DCTN3: variants seen among roughly 807,000 people sequenced by gnomAD.
DCTN3 encodes dynactin 3 (p22).
A neutral mutation model predicts 28.4 loss-of-function variants in DCTN3; 25 were observed. That is an observed-to-expected ratio of 0.88 (90% CI 0.64 to 1.23). The LOEUF (loss-of-function observed/expected upper bound fraction) is 1.23. DCTN3 is among the 50% of genes most tolerant of loss of function. The pLI is 0.00. For missense variants in DCTN3, 229 were observed against 232.0 expected, an observed-to-expected ratio of 0.99 and a Z score of 0.08; for synonymous variants, 81 against 91.4, an observed-to-expected ratio of 0.89 and a Z score of 0.65.
At position 34,613,953 on chromosome 9, in the gene DCTN3, G is replaced by A. The variant is rs1346321875; in HGVS notation, c.472-82C>T. 6 of 1,611,926 alleles carry A rather than the reference G, an allele frequency of 3.7e-6. No individual in the cohort carries two copies. The African/African-American group carries it at 5.3e-5, about 14-fold the overall frequency. ...GGGAACAGGCAAACATAGGTGGGTA[G>A]GATAGGATGAGAGAGAGCTAGAGGT... On this transcript the variant is annotated intron_variant, in intron 6 of 6. Transcript: ENST00000259632.
At chr9:34,615,552 A>C (rs1484371159) in intron 4 of DCTN3, 1 of 150,004 alleles carries the variant, frequency 6.7e-6, no homozygotes, top group African/African-American at 2.6e-5. Context: ...TGAGGTCCTA[A>C]AACTGGGCTC....
chr9:34,614,002 G>A, intron 6 of DCTN3, 40 bp downstream of exon 6: 1 of 1,605,346 alleles, frequency 6.2e-7, no homozygotes, highest in Non-Finnish European at 8.5e-7. Context: ...AGGGCTTAGG[G>A]ACAGCACCCA....
rs746473932 is a variant in DCTN3 at position 34,614,084 on chromosome 9, GA to G, written c.428del (p.Ile143ThrfsTer33). On this transcript the variant is annotated frameshift_variant, in exon 6 of 7. Transcript: ENST00000259632. LOFTEE classifies it high-confidence loss of function. Reference sequence around the variant, plus strand: ...CCAGGAGAGCCTTGGACTCCTCAGTGATTTCCACACACTGGTCCTGTAGGGC... The same window carrying G: ...CCAGGAGAGCCTTGGACTCCTCAGTGTTTCCACACACTGGTCCTGTAGGGC... ...HIQQQDQCVEITEESKALLEE... is the reference protein window; with the variant it reads ...HIQQQDQCVEXTEESKALLEE... 1.1e-5 allele frequency: 17 copies of G among 1,613,772 alleles called. No individual in the cohort carries two copies. The highest frequency in any genetic ancestry group is 1.4e-5 in the Non-Finnish European group (16 of 1,179,816).
chr9:34,617,886 T>C lies in DCTN3; in HGVS notation c.267A>G (p.Ala89=), dbSNP rs1461662024. The C allele has an allele frequency of 6.2e-7, 1 of 1,613,808 alleles. No individual in the cohort carries two copies. Among genetic ancestry groups the C allele is most frequent in the Admixed American group, 1.7e-5 (1 of 60,012 alleles). ...PDASKLQFIL[A]EEQFILSQVA... ...TGTACACATGTAGTCCAGCATTACC[T>C]GCTAGGATGAATTGCAGCTTAGAGG... Residue 89 remains alanine, a splice_region_variant and synonymous_variant, in exon 3 of 7, where the codon GCA becomes GCG. Coordinates refer to ENST00000259632, the MANE Select transcript of DCTN3 (RefSeq NM_007234.5).
Position 34,616,080 on chromosome 9 carries a change from A to G in DCTN3, c.302T>C (p.Leu101Pro). ...EQFILSQVAL[L>P]EQVNALVPML... ...GGGCACCAAGGCATTCACCTGCTCC[A>G]GGAGTGCAACCTGGGAAAGGATAAA... Residue 101 changes from leucine (L) to proline (P), a missense_variant, in exon 4 of 7, where the codon CTG becomes CCG. Transcript: ENST00000259632. The surrounding 1 kb of genome is among the most constrained non-coding windows in gnomAD (Gnocchi z 4.7). 6.2e-7 allele frequency: 1 copy of G among 1,614,122 alleles called. No individual in the cohort carries two copies. The highest frequency in any genetic ancestry group is 8.5e-7 in the Non-Finnish European group (1 of 1,179,974).
At position 34,613,917 on chromosome 9, in the gene DCTN3, C is replaced by T. The variant is rs181356165; in HGVS notation, c.472-46G>A. On this transcript the variant is annotated intron_variant, in intron 6 of 6. Coordinates refer to ENST00000259632, the MANE Select transcript of DCTN3 (RefSeq NM_007234.5). ...GAATAGGAATCTGAGTGAGGAAGTT[C>T]ATGGAAAGTGGGGAACAGGCAAACA... 182 of 1,613,712 alleles carry T rather than the reference C, an allele frequency of 1.1e-4. 1 individual carries two copies. In the African/African-American group the frequency reaches 2.3e-3, roughly 20 times the overall value.
intron 1 of DCTN3, among the ~76,000 whole-genome samples, chr9:34,619,842 C>G (rs1820510921): frequency 6.6e-6 from 1 of 152,180 alleles, no homozygotes; most frequent in African/African-American, 2.4e-5. Flanking sequence ...AAAATTCTGT[C>G]ACTGGTATAA....
At chr9:34,615,770 GCACACACC>G in intron 4 of DCTN3, 1 of 311,848 alleles carries the variant, frequency 3.2e-6, no homozygotes, top group South Asian at 4.5e-5. Context: ...AGGTGTGGTG[GCACACACC>G]TGTAATCCTA....
chr9:34,614,502 A>T, intron 5 of DCTN3: 1 of 639,056 alleles, frequency 1.6e-6, no homozygotes, highest in South Asian at 2.0e-5. Flanking sequence ...TGTCCCAATA[A>T]AGTCCTGCTC....
At chr9:34,615,899 CA>C (rs35159161) in intron 4 of DCTN3, 130 bp downstream of exon 4, 25,362 of 444,866 alleles carry the variant, frequency 0.057, no homozygotes, top group South Asian at 0.095. Context: ...CGACTCTGTC[CA>C]AAAAAAAAAA....
In DCTN3 at chr9:34,616,197, C is replaced by T. The variant is rs536141970; in HGVS notation, c.269-84G>A. ...CCCATGTAAGGGCCTGAGGACCTGG[C>T]AAGGGAGATGGCTAGGTCCTAGAGC... On this transcript the variant is annotated intron_variant, in intron 3 of 6. Transcript: ENST00000259632. This position sits in a 1 kb window ranked among gnomAD's most constrained non-coding sequence, Gnocchi z 4.7. 37 of 1,005,008 alleles carry T rather than the reference C, an allele frequency of 3.7e-5. No individual in the cohort carries two copies. The East Asian group carries it at 6.6e-4, about 18-fold the overall frequency. The allele number at this position is 1,005,008 out of a possible 1,614,324, so 62.3% of individuals were successfully genotyped here.
chr9:34,618,605 G>T, intron 2 of DCTN3, 71 bp downstream of exon 2: 1 of 1,207,682 alleles, frequency 8.3e-7, no homozygotes, highest in Non-Finnish European at 1.2e-6. Context: ...TGAACTGAAG[G>T]GCTAGGGCCA....
intron 1 of DCTN3, among the ~76,000 whole-genome samples, chr9:34,619,945 T>C (rs1449597883): frequency 2.0e-5 from 3 of 152,186 alleles, no homozygotes; most frequent in Non-Finnish European, 4.4e-5. Context: ...CCTTTGGCGT[T>C]TTCCTTATCC....
intron 1 of DCTN3, 32 bp downstream of exon 1, chr9:34,620,337 C>G (rs1820526326): frequency 1.2e-6 from 2 of 1,602,702 alleles, no homozygotes; most frequent in Admixed American, 1.7e-5. Flanking sequence ...TTGCTCTGCT[C>G]CAGAAAGGGA....
intron 4 of DCTN3, 156 bp from the exon 5 acceptor site, chr9:34,614,924 G>T: frequency 1.2e-6 from 1 of 806,942 alleles, no homozygotes; most frequent in Non-Finnish European, 2.0e-6. Flanking sequence ...TGGCAGTGGG[G>T]CTCCCTGCCC....
rs761647683 is a variant in DCTN3 at position 34,616,039 on chromosome 9, G to A, written c.343C>T (p.His115Tyr). The A allele has an allele frequency of 1.6e-5, 26 of 1,613,746 alleles. 1 individual carries two copies. The East Asian group carries it at 2.9e-4, about 18-fold the overall frequency. ...AACCCCAGAGAGATACCTTTGATGTGAGCACTGTCCAGCATGGGCACCAAG... is the reference window on the plus strand; with the variant it reads ...AACCCCAGAGAGATACCTTTGATGTAAGCACTGTCCAGCATGGGCACCAAG... ...NALVPMLDSA[H>Y]IKAVPEHAAR... The change falls in exon 4 of 7, where the codon CAC becomes TAC. Residue 115 changes from histidine to tyrosine, a missense_variant. Coordinates refer to ENST00000259632, the MANE Select transcript of DCTN3 (RefSeq NM_007234.5). This position sits in a 1 kb window ranked among gnomAD's most constrained non-coding sequence, Gnocchi z 4.7.
At chr9:34,613,975 A>G in intron 6 of DCTN3, 67 bp downstream of exon 6, 2 of 1,607,402 alleles carry the variant, frequency 1.2e-6, no homozygotes, top group East Asian at 4.5e-5. Context: ...AGAGAGCTAG[A>G]GGTGGAACAA....
chr9:34,614,831 T>C, intron 4 of DCTN3, 63 bp from the exon 5 acceptor site: 2 of 1,586,108 alleles, frequency 1.3e-6, no homozygotes, highest in Non-Finnish European at 1.7e-6. Flanking sequence ...TGCTCAATAG[T>C]CTATTAGGTC....
chr9:34,615,891 A>ACT (rs1426292215), intron 4 of DCTN3, 139 bp downstream of exon 4: 2 of 569,656 alleles, frequency 3.5e-6, no homozygotes, highest in Non-Finnish European at 5.8e-6. Context: ...ACAGAGTACG[A>ACT]CTCTGTCCAA....
Sources: gnomAD v4.1 joint callset for allele counts (sites outside exome capture counted in the v4.1 genomes callset) on GRCh38, gnomAD v4.1.1 for gene constraint, Gnocchi (gnomAD v3.1) non-coding constraint, MANE v1.5 for transcripts, NCBI Gene and HGNC (gene_info 2026-07-23, HGNC 2026-07-21) for gene names.